FBLN7: variants seen among roughly 807,000 people sequenced by gnomAD.
FBLN7 encodes fibulin-7.
Under a neutral mutation model 44.0 loss-of-function variants are expected in FBLN7, and 31 were observed. The observed-to-expected ratio is 0.70, with a 90% CI of 0.53 to 0.95. FBLN7 has a LOEUF of 0.95. Ranked by LOEUF, FBLN7 falls within the 40% of genes least tolerant of loss-of-function variation. The pLI, the probability that FBLN7 is intolerant of heterozygous loss-of-function variation, is 0.00. For missense variants in FBLN7, 573 were observed against 618.5 expected, an observed-to-expected ratio of 0.93 and a Z score of 0.78; for synonymous variants, 262 against 253.4, an observed-to-expected ratio of 1.03 and a Z score of -0.32.
intron 4 of FBLN7, among the ~76,000 whole-genome samples, chr2:112,180,209 C>T (rs936480540): frequency 3.9e-5 from 6 of 152,116 alleles, no homozygotes; most frequent in African/African-American, 1.4e-4. Context: ...AGAAAACCTA[C>T]AACAGGCCAA....
the FBLN7 span, among the ~76,000 whole-genome samples, chr2:112,194,733 C>T: frequency 6.6e-6 from 1 of 152,232 alleles, no homozygotes. Flanking sequence ...GTTTCCAGTG[C>T]CTCATGCAAC....
chr2:112,165,300 A>G lies in FBLN7; in HGVS notation c.406+129A>G, dbSNP rs953002731. ...TTTAATCATTCCTCAACCACAGAAC[A>G]GCAGCCAATGTGCCTGATCACTCAC... On this transcript the variant is annotated intron_variant, in intron 3 of 7. Transcript: ENST00000331203. 2.5e-6 allele frequency: 3 copies of G among 1,189,942 alleles called. No individual in the cohort carries two copies. The Admixed American group carries it at 8.0e-5, about 32-fold the overall frequency. 73.7% of individuals were successfully genotyped at this position (1,189,942 alleles called of 1,614,324 possible).
At chr2:112,139,826 G>C (rs1295277915) in intron 1 of FBLN7, among the ~76,000 whole-genome samples, 7 of 55,924 alleles carry the variant, frequency 1.3e-4, no homozygotes, top group East Asian at 1.0e-3. Flanking sequence ...CCTCTCTCCA[G>C]GCCAGTGTCC....
chr2:112,207,395 A>G, the FBLN7 span, among the ~76,000 whole-genome samples: 6 of 149,356 alleles, frequency 4.0e-5, no homozygotes, highest in Non-Finnish European at 7.4e-5. Context: ...TGAACCCAGG[A>G]GGCAGAGGTT....
intron 4 of FBLN7, among the ~76,000 whole-genome samples, chr2:112,180,546 T>C (rs916419616): frequency 6.6e-6 from 1 of 152,170 alleles, no homozygotes; most frequent in African/African-American, 2.4e-5. Flanking sequence ...TGCACTCGAA[T>C]ATTTGTTGCA....
chr2:112,140,622 C>T (rs1680595642), intron 1 of FBLN7, among the ~76,000 whole-genome samples: 1 of 152,206 alleles, frequency 6.6e-6, no homozygotes, highest in Non-Finnish European at 1.5e-5. Context: ...TCTCAGGGAG[C>T]TATGAGACAT....
chr2:112,193,370 G>A, the FBLN7 span, among the ~76,000 whole-genome samples: 1 of 152,202 alleles, frequency 6.6e-6, no homozygotes, highest in Non-Finnish European at 1.5e-5. Context: ...AACTCAGGAG[G>A]TGGAGGTTGC....
chr2:112,148,990 G>C (rs974878904), intron 1 of FBLN7, among the ~76,000 whole-genome samples: 5 of 152,176 alleles, frequency 3.3e-5, no homozygotes, highest in African/African-American at 1.2e-4. Flanking sequence ...GGAAGACCTG[G>C]GGTGATTTTT....
intron 3 of FBLN7, among the ~76,000 whole-genome samples, chr2:112,168,116 G>A (rs937888099): frequency 2.0e-5 from 3 of 152,126 alleles, no homozygotes; most frequent in African/African-American, 4.8e-5. Flanking sequence ...GTGGTCCAAC[G>A]TGGTATCCTC....
the FBLN7 span, chr2:112,238,708 G>A: frequency 4.5e-6 from 2 of 447,042 alleles, no homozygotes; most frequent in African/African-American, 2.0e-5. Flanking sequence ...TTAAAAAAAA[G>A]AAAAAATTTC....
chr2:112,160,748 G>A (rs62158710), intron 2 of FBLN7, among the ~76,000 whole-genome samples: 54 of 67,394 alleles, frequency 8.0e-4, no homozygotes, highest in East Asian at 1.1e-3. Flanking sequence ...GCACACACGC[G>A]CACGCACACA....
At chr2:112,240,980 T>C in the FBLN7 span, among the ~76,000 whole-genome samples, 1 of 138,990 alleles carries the variant, frequency 7.2e-6, no homozygotes, top group African/African-American at 2.7e-5. Context: ...TGTGTGTGTG[T>C]GTGTGCGCGT....
the FBLN7 span, chr2:112,238,483 A>T: frequency 3.7e-6 from 6 of 1,612,228 alleles, no homozygotes; most frequent in Admixed American, 1.0e-4. Context: ...TTACTTCTTG[A>T]TTTTCTATGC....
chr2:112,185,454 C>G, intron 7 of FBLN7, 115 bp downstream of exon 7: 23 of 1,389,544 alleles, frequency 1.7e-5, no homozygotes, highest in Non-Finnish European at 2.2e-5. Flanking sequence ...AGATGAGAGG[C>G]AGGAGGCTGG....
At chr2:112,156,966 C>T (rs1158654206) in intron 1 of FBLN7, among the ~76,000 whole-genome samples, 1 of 152,140 alleles carries the variant, frequency 6.6e-6, no homozygotes, top group Non-Finnish European at 1.5e-5. Flanking sequence ...GGAAGCCACC[C>T]TGGCTGTGGG....
chr2:112,141,236 G>A (rs1286375253), intron 1 of FBLN7, among the ~76,000 whole-genome samples: 2 of 152,218 alleles, frequency 1.3e-5, no homozygotes, highest in Admixed American at 1.3e-4. Context: ...CCCCCATTTT[G>A]CAGATGATGA....
chr2:112,226,182 T>C, the FBLN7 span, among the ~76,000 whole-genome samples: 2 of 150,310 alleles, frequency 1.3e-5, no homozygotes, highest in African/African-American at 2.4e-5. Flanking sequence ...TTAGATGAAA[T>C]AGCAAAATTA....
chr2:112,238,633 T>C, the FBLN7 span: 13 of 861,512 alleles, frequency 1.5e-5, no homozygotes, highest in Non-Finnish European at 8.9e-6. Context: ...TTGTTGAAGG[T>C]GGGTAATAGG....
intron 3 of FBLN7, 96 bp downstream of exon 3, chr2:112,165,267 C>A: frequency 7.0e-7 from 1 of 1,436,964 alleles, no homozygotes; most frequent in Non-Finnish European, 9.4e-7. Context: ...ACATTTTCTG[C>A]TTGGTTCTTT....
Sources: gnomAD v4.1 joint callset for allele counts (sites outside exome capture counted in the v4.1 genomes callset) on GRCh38, gnomAD v4.1.1 for gene constraint, MANE v1.5 for transcripts, NCBI Gene and HGNC (gene_info 2026-07-23, HGNC 2026-07-21) for gene names.